The following AKT3 variants were observed in gnomAD, a reference collection of about 807,000 sequenced individuals.
The protein encoded by AKT3 is AKT serine/threonine kinase 3, also known as RAC-gamma serine/threonine-protein kinase.
AKT3 carries 15 observed loss-of-function variants against 65.3 expected under a neutral mutation model. That is an observed-to-expected ratio of 0.23 (90% CI 0.15 to 0.35). AKT3 has a LOEUF of 0.35. AKT3 is among the 10% of genes least tolerant of loss of function. AKT3 has a pLI of 1.00. For missense variants in AKT3, 243 were observed against 576.5 expected (o/e 0.42, Z 5.92); for synonymous variants, 206 against 183.8 (o/e 1.12, Z -0.98).
intron 2 of AKT3, among the ~76,000 whole-genome samples, chr1:243,704,801 G>T (rs1428809560): frequency 6.6e-6 from 1 of 152,010 alleles, no homozygotes; most frequent in Non-Finnish European, 1.5e-5. Context: ...CAGGTTTTAA[G>T]ATTATTGCCC....
intron 2 of AKT3, among the ~76,000 whole-genome samples, chr1:243,728,444 A>G (rs923621379): frequency 2.6e-5 from 4 of 152,220 alleles, no homozygotes; most frequent in African/African-American, 9.6e-5. Flanking sequence ...AGCACTTGAT[A>G]CTATGCCAGC....
chr1:243,766,509 C>T (rs573638232), intron 2 of AKT3, among the ~76,000 whole-genome samples: 6 of 152,120 alleles, frequency 3.9e-5, no homozygotes, highest in Non-Finnish European at 8.8e-5. Context: ...TGCAGTAATA[C>T]AGGTAAAGAG....
At chr1:243,743,734 G>T (rs1490016656) in intron 2 of AKT3, among the ~76,000 whole-genome samples, 1 of 152,088 alleles carries the variant, frequency 6.6e-6, no homozygotes, top group Admixed American at 6.5e-5. Context: ...CCACATTACT[G>T]GCCAAGGTTG....
chr1:243,611,508 C>A (rs945492113), intron 8 of AKT3, among the ~76,000 whole-genome samples: 7 of 152,040 alleles, frequency 4.6e-5, no homozygotes, highest in Admixed American at 6.6e-5. Flanking sequence ...CATGGCAAAA[C>A]CCTATCTCTA....
chr1:243,832,973 C>T (rs1214429106), intron 2 of AKT3, among the ~76,000 whole-genome samples: 1 of 152,098 alleles, frequency 6.6e-6, no homozygotes, highest in Non-Finnish European at 1.5e-5. Context: ...TAAAGAACTG[C>T]CTGAGGCCGG....
At chr1:243,587,797 A>G (rs1240394556) in intron 8 of AKT3, among the ~76,000 whole-genome samples, 1 of 152,184 alleles carries the variant, frequency 6.6e-6, no homozygotes, top group Middle Eastern at 3.2e-3. Flanking sequence ...AGTATTTTAA[A>G]TTTCAAATTT....
chr1:243,545,048 A>G (rs1262055224), intron 12 of AKT3, among the ~76,000 whole-genome samples: 1 of 152,164 alleles, frequency 6.6e-6, no homozygotes, highest in African/African-American at 2.4e-5. Flanking sequence ...ATGACAGAGA[A>G]GTCCAAAGTA....
At chr1:243,781,359 G>A (rs1297345987) in intron 2 of AKT3, among the ~76,000 whole-genome samples, 2 of 152,026 alleles carry the variant, frequency 1.3e-5, no homozygotes, top group Non-Finnish European at 2.9e-5. Flanking sequence ...CTGTAAAAAT[G>A]GGGAAGCGTT....
intron 1 of AKT3, among the ~76,000 whole-genome samples, chr1:243,847,893 G>A (rs951209443): frequency 1.3e-5 from 2 of 151,954 alleles, no homozygotes; most frequent in African/African-American, 4.8e-5. Flanking sequence ...ATTTAGAGTC[G>A]ATGTCAAGAT....
chr1:243,552,020 T>C (rs1259378270), intron 11 of AKT3, among the ~76,000 whole-genome samples: 14 of 152,086 alleles, frequency 9.2e-5, no homozygotes, highest in South Asian at 4.1e-4. Context: ...CCGGGTGCGG[T>C]GGCTCACGAC....
intron 9 of AKT3, among the ~76,000 whole-genome samples, chr1:243,564,792 A>C (rs1436511850): frequency 6.6e-6 from 1 of 152,202 alleles, no homozygotes; most frequent in Non-Finnish European, 1.5e-5. Flanking sequence ...ATACTGAAAA[A>C]ATATACAAAA....
chr1:243,693,039 A>T (rs1458016601), intron 3 of AKT3, among the ~76,000 whole-genome samples: 3 of 151,374 alleles, frequency 2.0e-5, no homozygotes, highest in Non-Finnish European at 4.4e-5. Context: ...GAAAAATTTA[A>T]ATCAGGAGGG....
chr1:243,593,107 GAAGA>G (rs1676349167), intron 8 of AKT3, among the ~76,000 whole-genome samples: 1 of 152,080 alleles, frequency 6.6e-6, no homozygotes, highest in Non-Finnish European at 1.5e-5. Flanking sequence ...CCCCTTTAAA[GAAGA>G]AATAATTACA....
At chr1:243,772,836 A>G (rs1690276552) in intron 2 of AKT3, among the ~76,000 whole-genome samples, 1 of 152,104 alleles carries the variant, frequency 6.6e-6, no homozygotes, top group Non-Finnish European at 1.5e-5. Context: ...GCACATATAC[A>G]CCATGGAATA....
intron 2 of AKT3, among the ~76,000 whole-genome samples, chr1:243,815,352 A>C (rs1693443543): frequency 1.3e-5 from 2 of 152,128 alleles, no homozygotes; most frequent in South Asian, 4.1e-4. Flanking sequence ...AGAGTTGCTA[A>C]ACTTTCTGCC....
intron 8 of AKT3, among the ~76,000 whole-genome samples, chr1:243,612,184 C>G (rs200504447): frequency 6.6e-6 from 1 of 152,066 alleles, no homozygotes; most frequent in East Asian, 1.9e-4. Flanking sequence ...CCATGGCTCA[C>G]TGCAGCCTTG....
chr1:243,667,334 C>A (rs1007878997), intron 3 of AKT3, among the ~76,000 whole-genome samples: 2 of 152,124 alleles, frequency 1.3e-5, no homozygotes, highest in African/African-American at 2.4e-5. Context: ...CATGTCCGAA[C>A]GTGAACTCTT....
chr1:243,531,767 T>C (rs1476211576), intron 12 of AKT3, among the ~76,000 whole-genome samples: 1 of 152,170 alleles, frequency 6.6e-6, no homozygotes, highest in Non-Finnish European at 1.5e-5. Context: ...TTTCCATTCA[T>C]TTATGTCTTC....
At chr1:243,646,101 T>A in intron 4 of AKT3, 64 bp from the exon 5 acceptor site, 1 of 1,374,282 alleles carries the variant, frequency 7.3e-7, no homozygotes, top group African/African-American at 1.5e-5. Flanking sequence ...ATTTTCCTTT[T>A]ATAAACTATG....
Sources: allele counts gnomAD v4.1 joint callset (sites outside exome capture counted in the v4.1 genomes callset), GRCh38; gene constraint gnomAD v4.1.1; transcripts MANE v1.5; gene names NCBI Gene and HGNC (gene_info 2026-07-23, HGNC 2026-07-21).